AOPEP: variants seen among roughly 807,000 people sequenced by gnomAD.
AOPEP encodes aminopeptidase O (putative), also known as aminopeptidase O.
In AOPEP, 77 loss-of-function variants were observed where a neutral mutation model predicts 98.1. The observed-to-expected ratio is 0.78, with a 90% CI of 0.65 to 0.95. AOPEP has a LOEUF of 0.95. Ranked by LOEUF, AOPEP falls within the 40% of genes least tolerant of loss-of-function variation. The probability of loss-of-function intolerance (pLI) is 0.00; values close to 1 mark genes in which losing one functional copy is unlikely to be tolerated. For synonymous variants in AOPEP, 346 were observed against 365.3 expected, an observed-to-expected ratio of 0.95 and a Z score of 0.60; for missense variants, 1,024 against 1,024.7, an observed-to-expected ratio of 1.00 and a Z score of 0.01.
Position 94,763,767 on chromosome 9 carries a change from A to G in AOPEP, c.797+3187A>G, listed in dbSNP as rs1186238461. The stretch of plus-strand genomic sequence containing the variant: ...AGAGGGACAAGGGGCCGTCCGAAAG[A>G]GCTCCTCATGCCCCAAGCCAAGCAA... On this transcript the variant is annotated intron_variant, in intron 2 of 16. Coordinates refer to ENST00000375315, the MANE Select transcript of AOPEP (RefSeq NM_001193329.3). Among the ~76,000 whole-genome samples, 2 of 152,218 alleles carry G rather than the reference A, an allele frequency of 1.3e-5. 1 individual carries two copies. The highest frequency in any genetic ancestry group is 6.3e-3 in the Middle Eastern group (2 of 316).
chr9:94,813,444 C>A lies in AOPEP; in HGVS notation c.1364+12442C>A, dbSNP rs376817835. On this transcript the variant is annotated intron_variant, in intron 5 of 16. Transcript: ENST00000375315. ...CCTCAGATATGTCTCCTCTCACAAA[C>A]AAGCTCCAGGTCCTTCCACAGCCCT... Among the ~76,000 whole-genome samples, 144 of 152,304 alleles carry A rather than the reference C, an allele frequency of 9.5e-4. 2 individuals are homozygous for A. The South Asian group carries it at 0.011, about 12-fold the overall frequency.
Position 94,800,703 on chromosome 9 carries a change from C to A in AOPEP, c.1119-54C>A. ...GTCTACATCTGCAAGATTGCCTCAC[C>A]TCCACAGCAAGAATAATAAACATGT... On this transcript the variant is annotated intron_variant, in intron 4 of 16. Transcript: ENST00000375315. 5.0e-6 allele frequency: 8 copies of A among 1,600,026 alleles called. No homozygotes were observed. In the South Asian group the frequency reaches 7.8e-5, roughly 16 times the overall value.
chr9:95,108,139 GT>G, the AOPEP span, among the ~76,000 whole-genome samples: 1 of 152,090 alleles, frequency 6.6e-6, no homozygotes, highest in Admixed American at 6.5e-5. Context: ...TGTGTGAGGC[GT>G]TTTTTTTCCC....
chr9:95,005,760 C>G (rs1444968195), intron 13 of AOPEP, 144 bp downstream of exon 13: 2 of 674,168 alleles, frequency 3.0e-6, no homozygotes, highest in Non-Finnish European at 2.7e-6. Context: ...TGGGGAAATT[C>G]TACAGAAATA....
Position 95,060,554 on chromosome 9 carries a change from C to A in AOPEP, c.2116-140C>A, listed in dbSNP as rs2067237933. 14 of 679,902 alleles carry A rather than the reference C, an allele frequency of 2.1e-5. No homozygotes were observed. The South Asian group carries it at 2.4e-4, about 11-fold the overall frequency. The allele number at this position is 679,902 out of a possible 1,614,324, so 42.1% of individuals were successfully genotyped here. A position where few individuals can be genotyped will look rare whatever the true frequency, so the allele number is the denominator to read the frequency against. Reference sequence around the variant, plus strand: ...GGCCCTGAGGAATTACAAAAGTCAGCCGAACAGTCTTTCCATGTTGCCAAT... The same window carrying A: ...GGCCCTGAGGAATTACAAAAGTCAGACGAACAGTCTTTCCATGTTGCCAAT... On this transcript the variant is annotated intron_variant, in intron 13 of 16. Transcript: ENST00000375315.
At chr9:95,056,947 G>T (rs955708794) in intron 13 of AOPEP, among the ~76,000 whole-genome samples, 1 of 152,144 alleles carries the variant, frequency 6.6e-6, no homozygotes, top group Non-Finnish European at 1.5e-5. Flanking sequence ...GTCCTATTTT[G>T]TGTAAATTTC....
chr9:94,776,058 A>G (rs1842024891), intron 3 of AOPEP, among the ~76,000 whole-genome samples: 1 of 152,046 alleles, frequency 6.6e-6, no homozygotes, highest in Non-Finnish European at 1.5e-5. Flanking sequence ...TTTATAGAAG[A>G]ACAAAGGACA....
rs534315747 is a variant in AOPEP at position 94,782,035 on chromosome 9, C to CA, written c.964+8875dup. On this transcript the variant is annotated intron_variant, in intron 3 of 16. Coordinates refer to ENST00000375315, the MANE Select transcript of AOPEP (RefSeq NM_001193329.3). ...TGAAATGCCGTCTCTACTAAAAATA[C>CA]AAAAAAAATTAGCCGGGCGTGGTGG... 2.7e-3 allele frequency among the ~76,000 whole-genome samples: 403 copies of CA among 150,212 alleles called. 1 individual carries two copies. Among genetic ancestry groups the CA allele is most frequent in the African/African-American group, 9.4e-3 (385 of 41,050 alleles).
chr9:94,867,332 C>G (rs1426859838), intron 5 of AOPEP, among the ~76,000 whole-genome samples: 3 of 152,174 alleles, frequency 2.0e-5, no homozygotes, highest in Admixed American at 6.5e-5. Flanking sequence ...GTAGTCAGCA[C>G]GGCCCACTCT....
At chr9:95,138,114 TACA>T in the AOPEP span, among the ~76,000 whole-genome samples, 1 of 152,196 alleles carries the variant, frequency 6.6e-6, no homozygotes, top group African/African-American at 2.4e-5. Context: ...TTAACAGCCC[TACA>T]AAACAGGTAC....
chr9:94,998,890 C>T (rs1436329313), intron 11 of AOPEP, among the ~76,000 whole-genome samples: 2 of 152,020 alleles, frequency 1.3e-5, no homozygotes, highest in African/African-American at 4.8e-5. Flanking sequence ...GTTGGTTAGC[C>T]TTTTTGTAAT....
chr9:94,923,877 A>C, intron 5 of AOPEP, 109 bp from the exon 6 acceptor site: 2 of 617,486 alleles, frequency 3.2e-6, no homozygotes, highest in Non-Finnish European at 2.5e-6. Context: ...ATGATCTAGC[A>C]TGCACATGAT....
chr9:95,030,928 T>C (rs2064244266), intron 13 of AOPEP, among the ~76,000 whole-genome samples: 1 of 152,236 alleles, frequency 6.6e-6, no homozygotes, highest in Admixed American at 6.5e-5. Context: ...TTTCTGGCTT[T>C]TATTAAAATG....
intron 6 of AOPEP, among the ~76,000 whole-genome samples, chr9:94,924,391 G>A (rs1017557854): frequency 6.6e-6 from 1 of 152,120 alleles, no homozygotes; most frequent in African/African-American, 2.4e-5. Flanking sequence ...ATCAGTAATG[G>A]GTCAAGTGTT....
intron 7 of AOPEP, among the ~76,000 whole-genome samples, chr9:94,953,294 G>A (rs1048697043): frequency 6.6e-6 from 1 of 152,234 alleles, no homozygotes; most frequent in African/African-American, 2.4e-5. Flanking sequence ...ATTCTTACAA[G>A]TGTGGGCATG....
chr9:95,029,602 T>C (rs1014304716), intron 13 of AOPEP, among the ~76,000 whole-genome samples: 33 of 152,218 alleles, frequency 2.2e-4, no homozygotes, highest in South Asian at 1.0e-3. Context: ...TCAGCACTGA[T>C]TGGAGTTTCT....
At chr9:95,089,138 C>T (rs1199943407), downstream of AOPEP, among the ~76,000 whole-genome samples, 1 of 152,234 alleles carries the variant, frequency 6.6e-6, no homozygotes, top group Non-Finnish European at 1.5e-5. Flanking sequence ...GCTCCTCTGG[C>T]ATCTCCTAAG....
intron 13 of AOPEP, among the ~76,000 whole-genome samples, chr9:95,010,612 A>G (rs2062426805): frequency 6.6e-6 from 1 of 152,222 alleles, no homozygotes; most frequent in Non-Finnish European, 1.5e-5. Context: ...TAACTAGTCT[A>G]CATTTATATA....
chr9:95,052,875 T>A (rs113864386), intron 13 of AOPEP, among the ~76,000 whole-genome samples: 21 of 152,340 alleles, frequency 1.4e-4, no homozygotes, highest in African/African-American at 5.1e-4. Flanking sequence ...ATATATCTGT[T>A]TACAGAATAT....
Sources: allele counts gnomAD v4.1 joint callset (sites outside exome capture counted in the v4.1 genomes callset), GRCh38; gene constraint gnomAD v4.1.1; transcripts MANE v1.5; gene names NCBI Gene and HGNC (gene_info 2026-07-23, HGNC 2026-07-21).